The following STXBP5L variants were observed in gnomAD, a reference collection of about 807,000 sequenced individuals.
STXBP5L encodes syntaxin binding protein 5L, also known as syntaxin-binding protein 5-like.
A neutral mutation model predicts 144.5 loss-of-function variants in STXBP5L; 65 were observed. The ratio of observed to expected loss-of-function variants is 0.45; its 90% CI spans 0.37 to 0.55. The LOEUF is 0.55. STXBP5L is among the 20% of genes least tolerant of loss of function. The pLI, the probability that STXBP5L is intolerant of heterozygous loss-of-function variation, is 0.00. For synonymous variants in STXBP5L, 505 were observed against 469.6 expected (o/e 1.08, Z -0.97); for missense variants, 1,298 against 1,405.5 (o/e 0.92, Z 1.22).
chr3:121,401,898 A>T (rs200399576), intron 22 of STXBP5L, among the ~76,000 whole-genome samples: 16,104 of 149,446 alleles, frequency 0.11, 1,013 homozygotes, highest in East Asian at 0.15. Flanking sequence ...GTATAATAAA[A>T]AAAAAAAAAA....
intron 3 of STXBP5L, among the ~76,000 whole-genome samples, chr3:121,027,956 C>G (rs1315040377): frequency 3.9e-5 from 6 of 151,994 alleles, no homozygotes; most frequent in Non-Finnish European, 8.8e-5. Flanking sequence ...ATCACCATAA[C>G]TTTTTGAGTA....
intron 5 of STXBP5L, chr3:121,099,029 A>G (rs1326243250): frequency 6.6e-6 from 1 of 152,160 alleles, no homozygotes; most frequent in Non-Finnish European, 1.5e-5. Context: ...CTATCTATAT[A>G]CATTCGTAAG....
At chr3:121,267,690 C>A (rs2050612421) in intron 18 of STXBP5L, among the ~76,000 whole-genome samples, 1 of 151,978 alleles carries the variant, frequency 6.6e-6, no homozygotes, top group Non-Finnish European at 1.5e-5. Context: ...CTAGAATCTA[C>A]AAAGAACTTT....
intron 10 of STXBP5L, among the ~76,000 whole-genome samples, chr3:121,212,175 TCTCATG>T (rs2048599954): frequency 6.6e-6 from 1 of 152,222 alleles, no homozygotes; most frequent in Non-Finnish European, 1.5e-5. Context: ...GCCTGTTCAC[TCTCATG>T]ATAGTTTCTT....
At chr3:120,971,475 CAT>C (rs1389077293) in intron 3 of STXBP5L, among the ~76,000 whole-genome samples, 2 of 151,878 alleles carry the variant, frequency 1.3e-5, no homozygotes, top group African/African-American at 4.8e-5. Flanking sequence ...TTCTGCTAAA[CAT>C]GTGGTTAGTG....
chr3:121,081,610 G>A (rs1194127003), intron 5 of STXBP5L, among the ~76,000 whole-genome samples: 2 of 152,220 alleles, frequency 1.3e-5, no homozygotes, highest in South Asian at 4.1e-4. Flanking sequence ...TTCTCTCATA[G>A]TGTATACTTT....
intron 6 of STXBP5L, among the ~76,000 whole-genome samples, chr3:121,117,253 A>G (rs1348543323): frequency 6.6e-6 from 1 of 151,892 alleles, no homozygotes. Context: ...TTAGAATAGC[A>G]TCTACTATTT....
intron 5 of STXBP5L, among the ~76,000 whole-genome samples, chr3:121,060,913 A>G (rs2041242298): frequency 6.6e-6 from 1 of 152,120 alleles, no homozygotes; most frequent in Non-Finnish European, 1.5e-5. Flanking sequence ...GATCTTTTCA[A>G]AAAACCAGCT....
intron 3 of STXBP5L, among the ~76,000 whole-genome samples, chr3:120,975,030 T>C (rs1277197399): frequency 3.3e-5 from 5 of 152,208 alleles, no homozygotes; most frequent in Non-Finnish European, 7.3e-5. Flanking sequence ...ATGCGGGCTC[T>C]TTTTTGGTTC....
At chr3:121,267,456 C>T (rs1203058424) in intron 18 of STXBP5L, among the ~76,000 whole-genome samples, 2 of 152,130 alleles carry the variant, frequency 1.3e-5, no homozygotes, top group Non-Finnish European at 2.9e-5. Context: ...ACTATAAAAG[C>T]CCTAGAAGAA....
At chr3:120,953,122 C>A (rs996837828) in intron 2 of STXBP5L, among the ~76,000 whole-genome samples, 1 of 151,764 alleles carries the variant, frequency 6.6e-6, no homozygotes, top group Admixed American at 6.6e-5. Flanking sequence ...AGTTTCTAAG[C>A]AATTGTCAGG....
At chr3:121,114,817 T>C in intron 5 of STXBP5L, 108 bp from the exon 6 acceptor site, 1 of 645,918 alleles carries the variant, frequency 1.5e-6, no homozygotes, top group Middle Eastern at 4.6e-4. Context: ...GAGTATATAG[T>C]ACATTTTATT....
At chr3:121,413,778 T>C (rs2047174089) in intron 24 of STXBP5L, among the ~76,000 whole-genome samples, 1 of 152,206 alleles carries the variant, frequency 6.6e-6, no homozygotes, top group Non-Finnish European at 1.5e-5. Context: ...GCAGTAAGCA[T>C]AGCCTAGAAA....
chr3:121,375,978 G>A (rs938790250), intron 20 of STXBP5L, among the ~76,000 whole-genome samples: 4 of 152,094 alleles, frequency 2.6e-5, no homozygotes, highest in African/African-American at 9.7e-5. Flanking sequence ...TTAATGCATT[G>A]CCAAGTTTTT....
chr3:121,203,179 A>T (rs1021931209), intron 9 of STXBP5L, among the ~76,000 whole-genome samples: 2 of 151,984 alleles, frequency 1.3e-5, no homozygotes, highest in African/African-American at 4.8e-5. Flanking sequence ...TTTTTGAAAC[A>T]TTGCTTTACA....
intron 2 of STXBP5L, among the ~76,000 whole-genome samples, chr3:120,937,070 T>C (rs1453986617): frequency 6.6e-6 from 1 of 152,152 alleles, no homozygotes; most frequent in Non-Finnish European, 1.5e-5. Context: ...TCTCTTCCCC[T>C]ACCTGGAAGG....
intron 6 of STXBP5L, among the ~76,000 whole-genome samples, chr3:121,115,499 A>G (rs567381117): frequency 6.6e-6 from 1 of 152,258 alleles, no homozygotes; most frequent in East Asian, 1.9e-4. Context: ...GTTACGTTAT[A>G]CATAGGTTTT....
intron 12 of STXBP5L, among the ~76,000 whole-genome samples, chr3:121,237,231 G>C (rs1224431380): frequency 6.6e-6 from 1 of 152,216 alleles, no homozygotes; most frequent in Non-Finnish European, 1.5e-5. Flanking sequence ...AAGCCTCCAT[G>C]GCTCTTGTGT....
At chr3:121,147,213 A>C (rs2107965631) in intron 7 of STXBP5L, among the ~76,000 whole-genome samples, 1 of 152,214 alleles carries the variant, frequency 6.6e-6, no homozygotes, top group Non-Finnish European at 1.5e-5. Context: ...TGCTGAACCA[A>C]AAAACATGCC....
Sources: allele counts gnomAD v4.1 joint callset (sites outside exome capture counted in the v4.1 genomes callset), GRCh38; gene constraint gnomAD v4.1.1; transcripts MANE v1.5; gene names NCBI Gene and HGNC (gene_info 2026-07-23, HGNC 2026-07-21).